The following FGGY variants were observed in gnomAD, a reference collection of about 807,000 sequenced individuals.
FGGY encodes the protein FGGY carbohydrate kinase domain-containing protein.
Under a neutral mutation model 71.3 loss-of-function variants are expected in FGGY, and 72 were observed. That is an observed-to-expected ratio of 1.01 (90% confidence interval 0.84 to 1.23). The LOEUF (loss-of-function observed/expected upper bound fraction) is 1.23, where lower values mean the gene tolerates loss of function less well. Among genes scored for constraint, FGGY ranks in the 50% most tolerant of loss-of-function variants. The pLI, the probability that FGGY is intolerant of heterozygous loss-of-function variation, is 0.00. For synonymous variants in FGGY, 251 were observed against 250.3 expected, an observed-to-expected ratio of 1.00 and a Z score of -0.02; for missense variants, 668 against 682.3, an observed-to-expected ratio of 0.98 and a Z score of 0.23.
At chr1:59,742,068 A>T (rs958914467) in intron 14 of FGGY, among the ~76,000 whole-genome samples, 1 of 152,120 alleles carries the variant, frequency 6.6e-6, no homozygotes, top group Non-Finnish European at 1.5e-5. Context: ...ATGCCACTGC[A>T]CTCCAGCCTC....
intron 7 of FGGY, among the ~76,000 whole-genome samples, chr1:59,531,231 T>C (rs1390793209): frequency 6.6e-6 from 1 of 152,218 alleles, no homozygotes; most frequent in African/African-American, 2.4e-5. Context: ...ACCTCACTTT[T>C]TTATATAGGT....
intron 5 of FGGY, among the ~76,000 whole-genome samples, chr1:59,450,498 G>C (rs1265681407): frequency 6.6e-6 from 1 of 152,002 alleles, no homozygotes; most frequent in Non-Finnish European, 1.5e-5. Flanking sequence ...GAATTATAAA[G>C]TATTCTCCTT....
chr1:59,322,243 A>G (rs994293527), intron 2 of FGGY, among the ~76,000 whole-genome samples: 17 of 151,606 alleles, frequency 1.1e-4, no homozygotes, highest in Admixed American at 1.1e-3. Context: ...CAGAGGCAGG[A>G]CTAGAACAAA....
At chr1:59,471,963 G>A (rs1037879721) in intron 6 of FGGY, among the ~76,000 whole-genome samples, 23 of 152,352 alleles carry the variant, frequency 1.5e-4, no homozygotes, top group African/African-American at 5.5e-4. Flanking sequence ...AAGTGACAGC[G>A]TGCTGGCAGT....
intron 8 of FGGY, among the ~76,000 whole-genome samples, chr1:59,584,287 C>T (rs529796274): frequency 2.7e-5 from 4 of 149,822 alleles, no homozygotes; most frequent in South Asian, 2.1e-4. Context: ...ACTGGCAAAC[C>T]GAATTCAGCA....
rs542650530 is a variant in FGGY at position 59,338,235 on chromosome 1, G to A, written c.202-1723G>A. Reference sequence around the variant, plus strand: ...AAAGTTTTACATGCTGGAAGATTTCGTTTGTTAATATTTTGTTAAGGATTT... The same window carrying A: ...AAAGTTTTACATGCTGGAAGATTTCATTTGTTAATATTTTGTTAAGGATTT... On this transcript the variant is annotated intron_variant, in intron 2 of 15. Coordinates refer to ENST00000303721, the MANE Select transcript of FGGY (RefSeq NM_018291.5). Among the ~76,000 whole-genome samples the A allele has an allele frequency of 4.6e-5, 7 of 152,186 alleles. No homozygotes were observed. The South Asian group carries it at 6.2e-4, about 14-fold the overall frequency.
intron 8 of FGGY, among the ~76,000 whole-genome samples, chr1:59,590,721 T>G (rs112502114): frequency 2.0e-5 from 3 of 152,322 alleles, no homozygotes; most frequent in African/African-American, 7.2e-5. Context: ...AGAAAAGGCC[T>G]TTGACAAAAT....
At chr1:59,650,089 A>G (rs1318293856) in intron 11 of FGGY, among the ~76,000 whole-genome samples, 1 of 148,576 alleles carries the variant, frequency 6.7e-6, no homozygotes, top group Non-Finnish European at 1.5e-5. Flanking sequence ...CCTTGATCCC[A>G]GGGATGAAGC....
rs1040248938 is a variant in FGGY, at chr1:59,678,566, T to G, written c.1512+4433T>G. ...AACAAGAAGCAGTTTCAAGTCGTTGTGAGAGAAAACTCAATCAAATGGCAA... is the reference window on the plus strand; with the variant it reads ...AACAAGAAGCAGTTTCAAGTCGTTGGGAGAGAAAACTCAATCAAATGGCAA... On this transcript the variant is annotated intron_variant, in intron 14 of 15. Coordinates refer to ENST00000303721, the MANE Select transcript of FGGY (RefSeq NM_018291.5). Among the ~76,000 whole-genome samples the G allele has an allele frequency of 2.0e-5, 3 of 152,218 alleles. No individual in the cohort carries two copies. In the South Asian group the frequency reaches 6.2e-4, roughly 32 times the overall value.
At chr1:59,472,625 G>A (rs2093018604) in intron 6 of FGGY, among the ~76,000 whole-genome samples, 1 of 152,246 alleles carries the variant, frequency 6.6e-6, no homozygotes, top group African/African-American at 2.4e-5. Flanking sequence ...TCTGTATCTA[G>A]GTCAAGGTTT....
At chr1:59,592,539 T>C (rs1386443820) in intron 8 of FGGY, among the ~76,000 whole-genome samples, 1 of 152,158 alleles carries the variant, frequency 6.6e-6, no homozygotes, top group Non-Finnish European at 1.5e-5. Flanking sequence ...CCAACCCAAA[T>C]GTCCAACAAT....
At chr1:59,712,089 C>T (rs982958597) in intron 14 of FGGY, among the ~76,000 whole-genome samples, 4 of 152,184 alleles carry the variant, frequency 2.6e-5, no homozygotes, top group African/African-American at 4.8e-5. Flanking sequence ...GGGATACAGG[C>T]ATTGGGTAAA....
intron 4 of FGGY, among the ~76,000 whole-genome samples, chr1:59,347,638 C>G (rs1294523801): frequency 6.6e-6 from 1 of 152,042 alleles, no homozygotes; most frequent in Non-Finnish European, 1.5e-5. Context: ...ACAGAGCCCT[C>G]AGAAATAATG....
chr1:59,411,373 G>A (rs1383254541), intron 5 of FGGY, among the ~76,000 whole-genome samples: 1 of 152,240 alleles, frequency 6.6e-6, no homozygotes, highest in Non-Finnish European at 1.5e-5. Flanking sequence ...CACAGGTGAT[G>A]TGAACTTTGG....
chr1:59,577,419 GA>G (rs1456572165), intron 8 of FGGY, among the ~76,000 whole-genome samples: 5 of 152,142 alleles, frequency 3.3e-5, no homozygotes, highest in African/African-American at 1.2e-4. Flanking sequence ...ATGAATTATT[GA>G]AAGTGATTAT....
At chr1:59,391,539 A>G (rs987513460) in intron 5 of FGGY, among the ~76,000 whole-genome samples, 1 of 152,176 alleles carries the variant, frequency 6.6e-6, no homozygotes, top group Non-Finnish European at 1.5e-5. Context: ...TTTCATTAGT[A>G]AAGCAAATCT....
intron 8 of FGGY, among the ~76,000 whole-genome samples, chr1:59,581,190 G>A (rs1010215611): frequency 6.7e-6 from 1 of 150,002 alleles, no homozygotes; most frequent in Admixed American, 6.6e-5. Flanking sequence ...ACAAAACTTG[G>A]AAAAGTTAAA....
intron 7 of FGGY, among the ~76,000 whole-genome samples, chr1:59,539,332 G>T (rs1305440511): frequency 6.6e-6 from 1 of 152,146 alleles, no homozygotes; most frequent in Non-Finnish European, 1.5e-5. Context: ...AAAGAACAAA[G>T]TTGGGAAAAC....
intron 5 of FGGY, among the ~76,000 whole-genome samples, chr1:59,397,324 T>G (rs1410704432): frequency 2.0e-5 from 3 of 152,232 alleles, no homozygotes; most frequent in Non-Finnish European, 4.4e-5. Flanking sequence ...GTTGTGTTTC[T>G]GATTTACGAG....
Sources: gnomAD v4.1 joint callset for allele counts (sites outside exome capture counted in the v4.1 genomes callset) on GRCh38, gnomAD v4.1.1 for gene constraint, MANE v1.5 for transcripts, NCBI Gene and HGNC (gene_info 2026-07-23, HGNC 2026-07-21) for gene names.